The following FAM227B variants were observed in gnomAD, a reference collection of about 807,000 sequenced individuals.
FAM227B encodes family with sequence similarity 227 member B, also known as protein FAM227B.
In FAM227B, 88 loss-of-function variants were observed where a neutral mutation model predicts 73.8. That is an observed-to-expected ratio of 1.19 (90% CI 1.00 to 1.42). The LOEUF (loss-of-function observed/expected upper bound fraction) is 1.42. Among genes scored for constraint, FAM227B ranks in the 40% most tolerant of loss-of-function variants. The probability of loss-of-function intolerance (pLI) is 0.00; values close to 1 mark genes in which losing one functional copy is unlikely to be tolerated. For synonymous variants in FAM227B, 210 were observed against 190.5 expected, an observed-to-expected ratio of 1.10 and a Z score of -0.84; for missense variants, 632 against 590.9, an observed-to-expected ratio of 1.07 and a Z score of -0.72.
At chr15:49,346,070 T>TA (rs964176292) in intron 13 of FAM227B, among the ~76,000 whole-genome samples, 1 of 152,042 alleles carries the variant, frequency 6.6e-6, no homozygotes, top group African/African-American at 2.4e-5. Flanking sequence ...TTTTTTCCTT[T>TA]TTCCATGAAG....
intron 13 of FAM227B, among the ~76,000 whole-genome samples, chr15:49,357,254 T>C (rs1447620955): frequency 6.7e-6 from 1 of 149,056 alleles, no homozygotes; most frequent in Non-Finnish European, 1.5e-5. Flanking sequence ...CTGAAGGAAA[T>C]AGAGACACAA....
chr15:49,437,104 C>T (rs1168072697), intron 11 of FAM227B, among the ~76,000 whole-genome samples: 1 of 151,456 alleles, frequency 6.6e-6, no homozygotes, highest in African/African-American at 2.4e-5. Flanking sequence ...ATTTATACTT[C>T]TGTTCTTTAG....
At chr15:49,533,465 G>C (rs1209869492) in intron 10 of FAM227B, among the ~76,000 whole-genome samples, 8 of 151,714 alleles carry the variant, frequency 5.3e-5, no homozygotes, top group Non-Finnish European at 1.0e-4. Context: ...TTTGAAAATA[G>C]GGTCTTATAG....
At chr15:49,542,616 C>T (rs1388607067) in intron 9 of FAM227B, among the ~76,000 whole-genome samples, 2 of 151,736 alleles carry the variant, frequency 1.3e-5, no homozygotes, top group African/African-American at 4.8e-5. Context: ...TGAGTTACTC[C>T]ACTTAGAATA....
chr15:49,491,424 C>T (rs937940108), intron 11 of FAM227B, among the ~76,000 whole-genome samples: 3 of 151,846 alleles, frequency 2.0e-5, no homozygotes, highest in Non-Finnish European at 2.9e-5. Flanking sequence ...CTCGACTGTC[C>T]AATCTTCTCA....
At chr15:49,329,998 G>A (rs1240218615) in intron 15 of FAM227B, 25 of 154,054 alleles carry the variant, frequency 1.6e-4, no homozygotes, top group Admixed American at 1.5e-3. Flanking sequence ...AAAGAACTAT[G>A]TTTCAGTCTT....
At chr15:49,352,119 C>G (rs749352849) in intron 13 of FAM227B, among the ~76,000 whole-genome samples, 2 of 152,102 alleles carry the variant, frequency 1.3e-5, no homozygotes, top group African/African-American at 4.8e-5. Context: ...GCTGTGACTG[C>G]TAACTGGAAC....
At chr15:49,607,198 A>G (rs2077574527) in intron 3 of FAM227B, among the ~76,000 whole-genome samples, 1 of 152,228 alleles carries the variant, frequency 6.6e-6, no homozygotes, top group South Asian at 2.1e-4. Flanking sequence ...AGATATGAAA[A>G]TAATACCCAG....
At chr15:49,514,622 G>A (rs1358439107) in intron 10 of FAM227B, among the ~76,000 whole-genome samples, 1 of 151,990 alleles carries the variant, frequency 6.6e-6, no homozygotes, top group Non-Finnish European at 1.5e-5. Flanking sequence ...TCTTTTCAGT[G>A]AATTTTCAGC....
intron 11 of FAM227B, among the ~76,000 whole-genome samples, chr15:49,478,699 C>T (rs1298234205): frequency 1.3e-5 from 2 of 152,014 alleles, no homozygotes; most frequent in African/African-American, 2.4e-5. Context: ...AGTTATCATG[C>T]TAGCACAGCC....
intron 9 of FAM227B, among the ~76,000 whole-genome samples, chr15:49,546,412 T>C (rs2071891244): frequency 6.6e-6 from 1 of 152,190 alleles, no homozygotes; most frequent in African/African-American, 2.4e-5. Flanking sequence ...AGTGCCGCAA[T>C]AAACATACGT....
intron 13 of FAM227B, among the ~76,000 whole-genome samples, chr15:49,338,936 G>A (rs1283706083): frequency 6.6e-6 from 1 of 152,056 alleles, no homozygotes; most frequent in South Asian, 2.1e-4. Flanking sequence ...TGATACTTGT[G>A]TATGCTTCAC....
At chr15:49,446,725 G>A (rs2052254872) in intron 11 of FAM227B, among the ~76,000 whole-genome samples, 1 of 151,512 alleles carries the variant, frequency 6.6e-6, no homozygotes, top group East Asian at 1.9e-4. Flanking sequence ...CAGACCTAGT[G>A]AACAGATAAA....
intron 11 of FAM227B, among the ~76,000 whole-genome samples, chr15:49,472,070 G>A (rs1382457644): frequency 6.6e-6 from 1 of 150,510 alleles, no homozygotes; most frequent in South Asian, 2.1e-4. Context: ...TAACAACAGT[G>A]TTGAAAATAA....
intron 9 of FAM227B, among the ~76,000 whole-genome samples, chr15:49,565,442 G>A (rs1215242401): frequency 6.6e-6 from 1 of 150,694 alleles, no homozygotes; most frequent in Non-Finnish European, 1.5e-5. Context: ...TATCCTGTTA[G>A]CTTTCAAATC....
chr15:49,509,724 C>T (rs985578384), intron 10 of FAM227B, among the ~76,000 whole-genome samples: 4 of 151,872 alleles, frequency 2.6e-5, no homozygotes, highest in South Asian at 2.1e-4. Context: ...CCACAACACT[C>T]GAAATTTATC....
intron 14 of FAM227B, among the ~76,000 whole-genome samples, chr15:49,334,890 C>G (rs1432926552): frequency 6.6e-6 from 1 of 152,196 alleles, no homozygotes; most frequent in Non-Finnish European, 1.5e-5. Flanking sequence ...GATATTCTCT[C>G]ATTAACCCAT....
intron 10 of FAM227B, among the ~76,000 whole-genome samples, chr15:49,530,786 T>A (rs2060547956): frequency 1.3e-5 from 2 of 151,784 alleles, no homozygotes; most frequent in African/African-American, 4.8e-5. Context: ...ATTTGTAAAC[T>A]CATTTGAGTT....
intron 11 of FAM227B, among the ~76,000 whole-genome samples, chr15:49,494,941 T>C (rs547110246): frequency 2.0e-5 from 3 of 152,324 alleles, no homozygotes; most frequent in South Asian, 2.1e-4. Context: ...TTCTAATACC[T>C]AAGCATGATA....
Sources: allele counts gnomAD v4.1 joint callset (sites outside exome capture counted in the v4.1 genomes callset), GRCh38; gene constraint gnomAD v4.1.1; transcripts MANE v1.5; gene names NCBI Gene and HGNC (gene_info 2026-07-23, HGNC 2026-07-21).